Variants in GSG1L observed in about 807,000 individuals in gnomAD.
GSG1L encodes the protein germ cell-specific gene 1-like protein.
GSG1L carries 24 observed loss-of-function variants against 42.1 expected under a neutral mutation model. That is an observed-to-expected ratio of 0.57 (90% CI 0.41 to 0.80). The LOEUF is 0.80. Ranked by LOEUF, GSG1L falls within the 30% of genes least tolerant of loss-of-function variation. GSG1L has a pLI of 0.00. For missense variants in GSG1L, 445 were observed against 472.2 expected, an observed-to-expected ratio of 0.94 and a Z score of 0.53; for synonymous variants, 215 against 203.5, an observed-to-expected ratio of 1.06 and a Z score of -0.48.
chr16:27,849,197 CAAAAAGA>C (rs1211579380), intron 3 of GSG1L, among the ~76,000 whole-genome samples: 29,479 of 113,734 alleles, frequency 0.26, 3,536 homozygotes, highest in East Asian at 0.51. Context: ...GCCTCTATCC[CAAAAAGA>C]AAAAAAAAAA....
At chr16:27,986,288 C>T (rs1183365647) in intron 1 of GSG1L, among the ~76,000 whole-genome samples, 1 of 151,926 alleles carries the variant, frequency 6.6e-6, no homozygotes, top group Non-Finnish European at 1.5e-5. Flanking sequence ...TCTCTTGAGG[C>T]CAGGAGTTTG....
At chr16:27,835,943 A>T (rs1181916370) in intron 4 of GSG1L, among the ~76,000 whole-genome samples, 2 of 152,070 alleles carry the variant, frequency 1.3e-5, no homozygotes, top group Non-Finnish European at 2.9e-5. Flanking sequence ...TTTTTCATTC[A>T]TTCTTTCTTA....
At chr16:27,945,076 CA>C (rs34265192) in intron 2 of GSG1L, among the ~76,000 whole-genome samples, 1,398 of 87,302 alleles carry the variant, frequency 0.016, 17 homozygotes, top group Admixed American at 0.039. Flanking sequence ...GACCCTGTCT[CA>C]AAAAAAAAAA....
At chr16:27,844,252 C>T (rs1003950800) in intron 4 of GSG1L, among the ~76,000 whole-genome samples, 138 of 152,210 alleles carry the variant, frequency 9.1e-4, no homozygotes, top group Non-Finnish European at 1.3e-3. Context: ...TGTTCACTTA[C>T]GCTTGGGATT....
At chr16:27,812,323 T>G (rs2083040580) in intron 5 of GSG1L, among the ~76,000 whole-genome samples, 1 of 152,118 alleles carries the variant, frequency 6.6e-6, no homozygotes. Context: ...CAGGAGGATA[T>G]GAAGAGGGTT....
chr16:27,799,233 CAA>C (rs5816445), intron 6 of GSG1L, among the ~76,000 whole-genome samples: 6 of 133,584 alleles, frequency 4.5e-5, no homozygotes, highest in Admixed American at 7.5e-5. Context: ...CCATATCTAC[CAA>C]AAAAAAAAAA....
chr16:27,878,557 A>G (rs945942833), intron 3 of GSG1L, among the ~76,000 whole-genome samples: 3 of 152,190 alleles, frequency 2.0e-5, no homozygotes, highest in Non-Finnish European at 4.4e-5. Flanking sequence ...GAGGTAAACC[A>G]TATCAAGCTG....
chr16:27,882,742 G>A (rs2083975146), intron 3 of GSG1L, among the ~76,000 whole-genome samples: 1 of 152,144 alleles, frequency 6.6e-6, no homozygotes, highest in Admixed American at 6.5e-5. Flanking sequence ...CTGCAGAGCT[G>A]TTAACACACC....
chr16:27,789,203 T>A lies in GSG1L; in HGVS notation c.*2167A>T, dbSNP rs2050284391. On this transcript the variant is annotated 3_prime_UTR_variant, in exon 7 of 7. Transcript: ENST00000447459. ...AAGGAATGGATGGATGATAGATAGG[T>A]GTAAGGATAATGGATGGATAGATGA... 6.6e-6 allele frequency: 1 copy of A among 151,604 alleles called. No homozygotes were observed. Among genetic ancestry groups the A allele is most frequent in the South Asian group, 2.1e-4 (1 of 4,808 alleles). The allele number at this position is 151,604 out of a possible 1,614,324, so 9.4% of individuals were successfully genotyped here. A position where few individuals can be genotyped will look rare whatever the true frequency, so the allele number is the denominator to read the frequency against.
intron 2 of GSG1L, among the ~76,000 whole-genome samples, chr16:27,915,192 G>C (rs367702011): frequency 9.2e-6 from 1 of 109,104 alleles, no homozygotes; most frequent in African/African-American, 3.4e-5. Context: ...TCCCCCAGAG[G>C]ATGTACACAC....
At chr16:28,022,508 T>A (rs2085855918) in intron 1 of GSG1L, among the ~76,000 whole-genome samples, 1 of 150,742 alleles carries the variant, frequency 6.6e-6, no homozygotes, top group Non-Finnish European at 1.5e-5. Flanking sequence ...ACAGTCTCAC[T>A]CTGTTGCCCA....
chr16:27,866,368 G>GCA (rs1467686166), intron 3 of GSG1L, among the ~76,000 whole-genome samples: 2 of 152,056 alleles, frequency 1.3e-5, no homozygotes, highest in African/African-American at 4.8e-5. Flanking sequence ...ACTGTGCTGG[G>GCA]CACTTTATAT....
chr16:27,845,106 G>C, intron 3 of GSG1L, 45 bp from the exon 4 acceptor site: 1 of 1,351,536 alleles, frequency 7.4e-7, no homozygotes, highest in East Asian at 2.4e-5. Context: ...GTAAGGAAGG[G>C]CTTTGTCCCC....
At chr16:27,928,755 A>G (rs2084624827) in intron 2 of GSG1L, among the ~76,000 whole-genome samples, 1 of 152,020 alleles carries the variant, frequency 6.6e-6, no homozygotes, top group Non-Finnish European at 1.5e-5. Context: ...CAGAAGCCAC[A>G]CTCCCTTGAG....
At chr16:27,851,076 G>A (rs1243538108) in intron 3 of GSG1L, among the ~76,000 whole-genome samples, 2 of 152,342 alleles carry the variant, frequency 1.3e-5, no homozygotes, top group East Asian at 3.9e-4. Flanking sequence ...GCAAGGTCCA[G>A]AGACGGCCAG....
At chr16:27,866,512 A>C (rs1321262362) in intron 3 of GSG1L, among the ~76,000 whole-genome samples, 4 of 152,196 alleles carry the variant, frequency 2.6e-5, no homozygotes, top group South Asian at 2.1e-4. Flanking sequence ...TGAGGCCAGG[A>C]TCCACACCTG....
chr16:27,948,811 G>A (rs1247280206), intron 2 of GSG1L, among the ~76,000 whole-genome samples: 23 of 149,808 alleles, frequency 1.5e-4, no homozygotes, highest in Non-Finnish European at 1.9e-4. Context: ...GGGTTTCATC[G>A]TGTTAGCCAG....
intron 1 of GSG1L, among the ~76,000 whole-genome samples, chr16:28,057,080 G>T (rs186323164): frequency 2.0e-5 from 3 of 152,268 alleles, no homozygotes; most frequent in East Asian, 3.9e-4. Context: ...GAGTGACTGT[G>T]GGGGCAGAGA....
At chr16:27,885,323 A>AT (rs895511362) in intron 2 of GSG1L, among the ~76,000 whole-genome samples, 13 of 151,822 alleles carry the variant, frequency 8.6e-5, no homozygotes, top group African/African-American at 2.7e-4. Flanking sequence ...CTAATTTTTT[A>AT]TTTTTTATAG....
Sources: gnomAD v4.1 joint callset for allele counts (sites outside exome capture counted in the v4.1 genomes callset) on GRCh38, gnomAD v4.1.1 for gene constraint, MANE v1.5 for transcripts, NCBI Gene and HGNC (gene_info 2026-07-23, HGNC 2026-07-21) for gene names.